Variants in ZNF565 observed in about 807,000 individuals in gnomAD.
ZNF565 encodes zinc finger protein 565.
Under a neutral mutation model 39.4 loss-of-function variants are expected in ZNF565, and 27 were observed. The ratio of observed to expected loss-of-function variants is 0.69; its 90% CI spans 0.51 to 0.95. The LOEUF (loss-of-function observed/expected upper bound fraction) is 0.95, where lower values mean the gene tolerates loss of function less well. Ranked by LOEUF, ZNF565 falls within the 40% of genes least tolerant of loss-of-function variation. The pLI, the probability that ZNF565 is intolerant of heterozygous loss-of-function variation, is 0.00. For synonymous variants in ZNF565, 185 were observed against 216.6 expected (o/e 0.85, Z 1.28); for missense variants, 524 against 621.1 (o/e 0.84, Z 1.66).
intron 2 of ZNF565, among the ~76,000 whole-genome samples, chr19:36,197,516 G>C (rs1975809217): frequency 6.6e-6 from 1 of 151,834 alleles, no homozygotes; most frequent in South Asian, 2.1e-4. Context: ...AAGGAAGAGA[G>C]AAGGAAGTTA....
intron 4 of ZNF565, among the ~76,000 whole-genome samples, chr19:36,190,720 T>G (rs964626763): frequency 6.6e-6 from 1 of 151,496 alleles, no homozygotes; most frequent in Non-Finnish European, 1.5e-5. Flanking sequence ...CGGTGGCTCA[T>G]GCCTGTAATC....
chr19:36,199,681 T>C (rs1975886531), intron 2 of ZNF565, among the ~76,000 whole-genome samples: 1 of 151,928 alleles, frequency 6.6e-6, no homozygotes, highest in African/African-American at 2.4e-5. Flanking sequence ...CTAACTTTCG[T>C]ATATACATAT....
chr19:36,208,167 T>G (rs552025493), intron 1 of ZNF565, among the ~76,000 whole-genome samples: 1 of 151,558 alleles, frequency 6.6e-6, no homozygotes. Flanking sequence ...CACAAACCCA[T>G]AATGTGAAAC....
chr19:36,225,189 G>A (rs1484332396), intron 1 of ZNF565, among the ~76,000 whole-genome samples: 1 of 152,150 alleles, frequency 6.6e-6, no homozygotes, highest in African/African-American at 2.4e-5. Flanking sequence ...GGGTCAGTGG[G>A]AGTGTGAGCA....
chr19:36,182,808 AGTATG>A lies in ZNF565; in HGVS notation c.1153_1157del (p.His385TrpfsTer6). Reference sequence around the variant, plus strand: ...CCTTACATTCATAGGGTCTGTCGCCAGTATGGACTCTCTGATGTCGTGTGAGCTGT... The same window carrying A: ...CCTTACATTCATAGGGTCTGTCGCCAGACTCTCTGATGTCGTGTGAGCTGT... On this transcript the variant is annotated frameshift_variant, in exon 5 of 5. Transcript: ENST00000304116. LOFTEE classifies it high-confidence loss of function. 6.2e-7 allele frequency: 1 copy of A among 1,614,022 alleles called. No individual in the cohort carries two copies. The highest frequency in any genetic ancestry group is 1.3e-5 in the African/African-American group (1 of 74,968).
At chr19:36,226,433 T>C (rs1483402792) in intron 1 of ZNF565, among the ~76,000 whole-genome samples, 3 of 152,230 alleles carry the variant, frequency 2.0e-5, no homozygotes, top group African/African-American at 4.8e-5. Flanking sequence ...TTTTTATGAT[T>C]ATGCTTTTTT....
At chr19:36,199,053 C>A (rs1005129008) in intron 2 of ZNF565, among the ~76,000 whole-genome samples, 6 of 152,072 alleles carry the variant, frequency 3.9e-5, no homozygotes, top group Non-Finnish European at 8.8e-5. Context: ...AATATATATA[C>A]CATGTACTGA....
intron 2 of ZNF565, among the ~76,000 whole-genome samples, chr19:36,198,411 T>C (rs928385783): frequency 2.0e-5 from 3 of 152,096 alleles, no homozygotes; most frequent in African/African-American, 7.2e-5. Context: ...TCTCACTTAT[T>C]TGTGGATCTA....
At chr19:36,219,561 A>G (rs1326468323), upstream of ZNF565, among the ~76,000 whole-genome samples, 1 of 152,068 alleles carries the variant, frequency 6.6e-6, no homozygotes, top group Non-Finnish European at 1.5e-5. Flanking sequence ...ATCAGAGGTG[A>G]TCTTACATAC....
At chr19:36,227,701 C>T (rs939050556) in intron 1 of ZNF565, among the ~76,000 whole-genome samples, 1 of 152,144 alleles carries the variant, frequency 6.6e-6, no homozygotes, top group Admixed American at 6.5e-5. Flanking sequence ...ACTACAGGCG[C>T]ACACCATTGC....
chr19:36,187,859 TG>T (rs1162919373), intron 4 of ZNF565, among the ~76,000 whole-genome samples: 1 of 135,616 alleles, frequency 7.4e-6, no homozygotes, highest in African/African-American at 2.8e-5. Flanking sequence ...AGGATTTTCT[TG>T]ATCTCCTGAC....
intron 1 of ZNF565, among the ~76,000 whole-genome samples, chr19:36,232,590 C>A (rs4239585): frequency 0.37 from 56,070 of 150,664 alleles, 10,640 homozygotes; most frequent in South Asian, 0.49. Flanking sequence ...AAATACTGAT[C>A]AGTTCTTTTT....
intron 1 of ZNF565, among the ~76,000 whole-genome samples, chr19:36,242,445 AT>A (rs1193524514): frequency 2.8e-5 from 4 of 142,200 alleles, no homozygotes; most frequent in Non-Finnish European, 6.1e-5. Flanking sequence ...AAATGGGCAA[AT>A]TTCTGGGCAC....
Position 36,183,246 on chromosome 19 carries a change from T to C in ZNF565, c.720A>G (p.Leu240=), listed in dbSNP as rs760841899. ...KAFGRTSELI[L]HQRLHTGVKP... ...TGACACCAGTATGAAGTCTCTGATG[T>C]AGAATAAGTTCTGATGTACGACCAA... Residue 240 remains leucine, a synonymous_variant, in exon 5 of 5, where the codon CTA becomes CTG. Transcript: ENST00000304116. The C allele has an allele frequency of 2.5e-6, 4 of 1,614,138 alleles. No individual in the cohort carries two copies. The South Asian group carries it at 3.3e-5, about 13-fold the overall frequency.
At chr19:36,189,554 T>G (rs1165883259) in intron 4 of ZNF565, among the ~76,000 whole-genome samples, 1 of 151,780 alleles carries the variant, frequency 6.6e-6, no homozygotes, top group Non-Finnish European at 1.5e-5. Flanking sequence ...ACTCCTGATC[T>G]CAGGTGATCT....
At chr19:36,197,823 G>A (rs1869480223) in intron 2 of ZNF565, among the ~76,000 whole-genome samples, 1 of 152,086 alleles carries the variant, frequency 6.6e-6, no homozygotes. Flanking sequence ...GTGGACCAGC[G>A]ATACCACTGC....
At chr19:36,215,617 A>G (rs1487121025), upstream of ZNF565, among the ~76,000 whole-genome samples, 1 of 152,116 alleles carries the variant, frequency 6.6e-6, no homozygotes, top group African/African-American at 2.4e-5. Context: ...TTTTATATAA[A>G]AGCATTTCTT....
chr19:36,244,138 T>A (rs1170666052), intron 1 of ZNF565, among the ~76,000 whole-genome samples: 1 of 84,012 alleles, frequency 1.2e-5, no homozygotes, highest in African/African-American at 4.2e-5. Flanking sequence ...TGTCTGTGTG[T>A]CTGAGTGGCT....
intron 1 of ZNF565, among the ~76,000 whole-genome samples, chr19:36,211,520 G>A (rs188239759): frequency 1.2e-3 from 177 of 152,020 alleles, no homozygotes; most frequent in African/African-American, 3.4e-3. Flanking sequence ...GTGGCCGGGC[G>A]CGGTGGCTCA....
Sources: allele counts gnomAD v4.1 joint callset (sites outside exome capture counted in the v4.1 genomes callset), GRCh38; gene constraint gnomAD v4.1.1; transcripts MANE v1.5; gene names NCBI Gene and HGNC (gene_info 2026-07-23, HGNC 2026-07-21).